The following TBCE variants were observed in gnomAD, a reference collection of about 807,000 sequenced individuals.
TBCE encodes tubulin folding cofactor E, also known as tubulin-specific chaperone E.
TBCE carries 53 observed loss-of-function variants against 77.0 expected under a neutral mutation model. That is an observed-to-expected ratio of 0.69 (90% CI 0.55 to 0.87). TBCE has a LOEUF of 0.87. Among genes scored for constraint, TBCE ranks in the 40% least tolerant of loss-of-function variants. The probability of loss-of-function intolerance (pLI) is 0.00; values close to 1 mark genes in which losing one functional copy is unlikely to be tolerated. For missense variants in TBCE, 624 were observed against 622.4 expected (o/e 1.00, Z -0.03); for synonymous variants, 235 against 241.3 (o/e 0.97, Z 0.24).
intron 9 of TBCE, 157 bp from the exon 10 acceptor site, chr1:235,436,229 C>G (rs1453669929): frequency 1.4e-6 from 1 of 693,240 alleles, no homozygotes. Context: ...AAAGAGTTCA[C>G]TTTGCATGTC....
chr1:235,419,662 T>G, intron 5 of TBCE, 101 bp downstream of exon 5: 3 of 1,508,390 alleles, frequency 2.0e-6, no homozygotes, highest in Non-Finnish European at 2.7e-6. Flanking sequence ...TCTTGACAAC[T>G]TCCTTCCTAA....
intron 15 of TBCE, among the ~76,000 whole-genome samples, chr1:235,447,929 C>T (rs185392484): frequency 1.3e-5 from 2 of 151,780 alleles, no homozygotes; most frequent in Admixed American, 6.6e-5. Flanking sequence ...ATGAAAGATA[C>T]AGCCAGGCGC....
At chr1:235,442,011 T>TA in intron 14 of TBCE, 129 bp downstream of exon 14, 1 of 691,298 alleles carries the variant, frequency 1.4e-6, no homozygotes, top group Non-Finnish European at 2.3e-6. Flanking sequence ...AATGAAAATT[T>TA]TTTTTTTTTT....
At chr1:235,446,816 C>T (rs1682362301) in intron 15 of TBCE, among the ~76,000 whole-genome samples, 1 of 151,532 alleles carries the variant, frequency 6.6e-6, no homozygotes, top group Admixed American at 6.6e-5. Context: ...TCCCAAGTAG[C>T]TGGGACTAGA....
intron 2 of TBCE, among the ~76,000 whole-genome samples, chr1:235,385,591 T>G (rs1423042596): frequency 3.9e-5 from 6 of 152,212 alleles, no homozygotes; most frequent in African/African-American, 1.2e-4. Context: ...TTGTGTCTTT[T>G]GATCTTTGTT....
At chr1:235,386,681 A>G (rs1202503453) in intron 2 of TBCE, among the ~76,000 whole-genome samples, 4 of 152,054 alleles carry the variant, frequency 2.6e-5, no homozygotes, top group African/African-American at 7.2e-5. Flanking sequence ...TGTATTGGTT[A>G]TTCTAGTTAT....
At chr1:235,437,577 TGGGGCA>T (rs1056708316) in intron 12 of TBCE, 103 bp downstream of exon 12, 19 of 1,378,170 alleles carry the variant, frequency 1.4e-5, no homozygotes, top group Non-Finnish European at 1.9e-5. Context: ...TTTGGGAGGC[TGGGGCA>T]GGCTGATCGC....
intron 5 of TBCE, among the ~76,000 whole-genome samples, chr1:235,419,825 C>T (rs1283010137): frequency 1.3e-5 from 2 of 152,122 alleles, no homozygotes; most frequent in Non-Finnish European, 2.9e-5. Context: ...CAGTGGCTCA[C>T]GCCTGTAATC....
intron 13 of TBCE, among the ~76,000 whole-genome samples, chr1:235,439,696 C>T (rs1681712585): frequency 1.3e-5 from 2 of 151,524 alleles, no homozygotes; most frequent in South Asian, 2.1e-4. Flanking sequence ...CCATATTGGC[C>T]AGGCTGGTCT....
chr1:235,434,667 G>A (rs1214563159), intron 8 of TBCE, among the ~76,000 whole-genome samples: 1 of 151,652 alleles, frequency 6.6e-6, no homozygotes, highest in South Asian at 2.1e-4. Context: ...CTCCCGAGTA[G>A]CTGGGATTAT....
chr1:235,435,169 C>G (rs769145048), intron 8 of TBCE, among the ~76,000 whole-genome samples: 1 of 151,658 alleles, frequency 6.6e-6, no homozygotes, highest in East Asian at 1.9e-4. Flanking sequence ...GGCACCATCT[C>G]GGCTCACTGC....
chr1:235,430,604 C>G, intron 6 of TBCE, 101 bp from the exon 7 acceptor site: 1 of 787,456 alleles, frequency 1.3e-6, no homozygotes, highest in Non-Finnish European at 2.1e-6. Context: ...TGAAACAAAT[C>G]AAACCCCTTA....
intron 1 of TBCE, among the ~76,000 whole-genome samples, chr1:235,372,589 C>G (rs185042158): frequency 1.2e-3 from 185 of 151,916 alleles, no homozygotes; most frequent in African/African-American, 4.3e-3. Flanking sequence ...TGAGACCAAC[C>G]TGGGCAGCAT....
rs1682890510 is a variant in TBCE at position 235,451,429 on chromosome 1, A to AT, written c.*2671dup. The AT allele has an allele frequency of 6.8e-6, 1 of 146,430 alleles. No homozygotes were observed. Among genetic ancestry groups the AT allele is most frequent in the African/African-American group, 2.5e-5 (1 of 39,242 alleles). 9.1% of individuals were successfully genotyped at this position (146,430 alleles called of 1,614,324 possible). A position where few individuals can be genotyped will look rare whatever the true frequency, so the allele number is the denominator to read the frequency against. On this transcript the variant is annotated 3_prime_UTR_variant, in exon 17 of 17. Coordinates refer to ENST00000642610, the MANE Select transcript of TBCE (RefSeq NM_003193.5). ...ATGTAAATCCTCTCTGTAGGAATGC[A>AT]TTTTAAATAGAGGACTCAGTTTCCA...
Position 235,373,912 on chromosome 1 carries a change from G to C in TBCE, c.-31-6107G>C, listed in dbSNP as rs1319554068. On this transcript the variant is annotated intron_variant, in intron 1 of 16. Transcript: ENST00000642610. ...GATCCTCCCGCCTCGGCCTCCCAAA[G>C]TGCTGGGATTACAGACGTGAGCCAC... Among the ~76,000 whole-genome samples the C allele has an allele frequency of 8.9e-5, 13 of 146,120 alleles. 1 individual carries two copies. The highest frequency in any genetic ancestry group is 1.8e-4 in the Non-Finnish European group (12 of 66,636).
At chr1:235,414,179 G>GT (rs1466864859) in intron 3 of TBCE, among the ~76,000 whole-genome samples, 1 of 151,842 alleles carries the variant, frequency 6.6e-6, no homozygotes, top group African/African-American at 2.4e-5. Context: ...TAATACTTCT[G>GT]TTTTTTCTAA....
chr1:235,444,809 A>G (rs940863397), intron 15 of TBCE, among the ~76,000 whole-genome samples: 1 of 152,258 alleles, frequency 6.6e-6, no homozygotes, highest in Non-Finnish European at 1.5e-5. Context: ...ACCACTATAG[A>G]GTATTTGCTC....
At chr1:235,393,125 CT>C (rs1434640570) in intron 2 of TBCE, among the ~76,000 whole-genome samples, 1 of 152,212 alleles carries the variant, frequency 6.6e-6, no homozygotes, top group Non-Finnish European at 1.5e-5. Context: ...TGTGGTTACA[CT>C]TTGTTTTTCA....
Position 235,448,878 on chromosome 1 carries a change from C to T in TBCE, c.*116C>T. 6.3e-6 allele frequency: 5 copies of T among 795,872 alleles called. No individual in the cohort carries two copies. Among genetic ancestry groups the T allele is most frequent in the Non-Finnish European group, 1.1e-5 (5 of 469,352 alleles). The allele number at this position is 795,872 out of a possible 1,614,324, so 49.3% of individuals were successfully genotyped here. ...AAACAAAGGGGGTTTACAACTTGTC[C>T]TAAGTATAACAAGGGATGTATTTTT... On this transcript the variant is annotated 3_prime_UTR_variant, in exon 17 of 17. Coordinates refer to ENST00000642610, the MANE Select transcript of TBCE (RefSeq NM_003193.5).
Sources: allele counts gnomAD v4.1 joint callset (sites outside exome capture counted in the v4.1 genomes callset), GRCh38; gene constraint gnomAD v4.1.1; transcripts MANE v1.5; gene names NCBI Gene and HGNC (gene_info 2026-07-23, HGNC 2026-07-21).